SMC5: variants seen among roughly 807,000 people sequenced by gnomAD.
SMC5 encodes structural maintenance of chromosomes 5.
A neutral mutation model predicts 148.3 loss-of-function variants in SMC5; 88 were observed. The observed-to-expected ratio is 0.59, with a 90% CI of 0.50 to 0.71. The LOEUF (loss-of-function observed/expected upper bound fraction) is 0.71. SMC5 is among the 30% of genes least tolerant of loss of function. The pLI is 0.00. For synonymous variants in SMC5, 421 were observed against 432.8 expected (o/e 0.97, Z 0.34); for missense variants, 1,142 against 1,298.9 (o/e 0.88, Z 1.86).
intron 8 of SMC5, among the ~76,000 whole-genome samples, chr9:70,288,677 A>G (rs1279304988): frequency 6.6e-6 from 1 of 152,040 alleles, no homozygotes; most frequent in East Asian, 1.9e-4. Context: ...AGATATTATA[A>G]TTTTTATTTA....
At chr9:70,262,800 C>T (rs1293497842) in intron 1 of SMC5, among the ~76,000 whole-genome samples, 3 of 152,130 alleles carry the variant, frequency 2.0e-5, no homozygotes, top group Non-Finnish European at 4.4e-5. Context: ...GAGGGTGGGT[C>T]TTTACCAATA....
chr9:70,279,587 CG>C (rs2034691503), intron 5 of SMC5, among the ~76,000 whole-genome samples: 1 of 151,932 alleles, frequency 6.6e-6, no homozygotes, highest in Non-Finnish European at 1.5e-5. Flanking sequence ...GAGGCCAAGG[CG>C]GGTGGATCAC....
At chr9:70,285,306 G>T (rs558247694) in intron 7 of SMC5, among the ~76,000 whole-genome samples, 42 of 152,034 alleles carry the variant, frequency 2.8e-4, no homozygotes, top group Non-Finnish European at 5.1e-4. Flanking sequence ...GCTTCCAAGG[G>T]TCCTCCCCCA....
chr9:70,264,378 C>T lies in SMC5; in HGVS notation c.260C>T (p.Ser87Leu), dbSNP rs758152854. 3 of 1,614,032 alleles carry T rather than the reference C, an allele frequency of 1.9e-6. No homozygotes were observed. Among genetic ancestry groups the T allele is most frequent in the South Asian group, 1.1e-5 (1 of 91,076 alleles). Residue 87 changes from serine (S) to leucine (L), a missense_variant, in exon 2 of 25, where the codon TCG becomes TTG. Physicochemically the swap from Ser to Leu is moderately radical, Grantham distance 145 (BLOSUM62 -2). Coordinates refer to ENST00000361138, the MANE Select transcript of SMC5 (RefSeq NM_015110.4). ...GTTGGAGCCAATGGAACAGGGAAGTCGAGCATTGTGTGTGCCATTTGCCTT... is the reference window on the plus strand; with the variant it reads ...GTTGGAGCCAATGGAACAGGGAAGTTGAGCATTGTGTGTGCCATTTGCCTT... The part of the protein sequence containing the change: ...MIVGANGTGK[S>L]SIVCAICLGL...
intron 19 of SMC5, 88 bp downstream of exon 19, chr9:70,346,737 A>G (rs1237760170): frequency 7.4e-7 from 1 of 1,343,116 alleles, no homozygotes; most frequent in East Asian, 2.3e-5. Flanking sequence ...CCCGGAGATG[A>G]ATTCTAGGCC....
At chr9:70,262,182 T>C (rs374079157) in intron 1 of SMC5, among the ~76,000 whole-genome samples, 1 of 151,774 alleles carries the variant, frequency 6.6e-6, no homozygotes, top group African/African-American at 2.4e-5. Flanking sequence ...TCAAATGGAG[T>C]TGGGAGTGGA....
intron 20 of SMC5, 57 bp downstream of exon 20, chr9:70,347,218 T>A: frequency 7.8e-7 from 1 of 1,282,030 alleles, no homozygotes; most frequent in Non-Finnish European, 1.1e-6. Context: ...ACCCTCCCCA[T>A]ACACACACAT....
At chr9:70,350,585 T>C in intron 24 of SMC5, 114 bp downstream of exon 24, 1 of 614,194 alleles carries the variant, frequency 1.6e-6, no homozygotes, top group Non-Finnish European at 2.7e-6. Flanking sequence ...AAAAAAGGAA[T>C]TTAAAAGGTT....
intron 3 of SMC5, among the ~76,000 whole-genome samples, chr9:70,274,389 A>G (rs1360868549): frequency 1.3e-5 from 2 of 151,794 alleles, no homozygotes; most frequent in African/African-American, 4.8e-5. Flanking sequence ...CCGTGAATTC[A>G]ACTTTCTGTT....
At chr9:70,260,013 C>T (rs1292653749) in intron 1 of SMC5, among the ~76,000 whole-genome samples, 2 of 150,798 alleles carry the variant, frequency 1.3e-5, no homozygotes, top group African/African-American at 4.9e-5. Context: ...GCCGCGATCT[C>T]GGCCCACTGC....
chr9:70,349,939 T>G (rs2095825783), intron 22 of SMC5, among the ~76,000 whole-genome samples, 175 bp from the exon 23 acceptor site: 2 of 152,098 alleles, frequency 1.3e-5, no homozygotes, highest in African/African-American at 4.8e-5. Flanking sequence ...AGTAACTGTT[T>G]GCTTAATATT....
At chr9:70,305,877 G>T (rs1037005991) in intron 11 of SMC5, among the ~76,000 whole-genome samples, 2 of 152,138 alleles carry the variant, frequency 1.3e-5, no homozygotes, top group African/African-American at 2.4e-5. Flanking sequence ...TAGCTGGGCT[G>T]CCAGGATTTG....
At chr9:70,284,173 C>T (rs1180119) in intron 7 of SMC5, among the ~76,000 whole-genome samples, 11,755 of 152,188 alleles carry the variant, frequency 0.077, 530 homozygotes, top group African/African-American at 0.13. Flanking sequence ...GGAAAAGCTC[C>T]ACTATATCTT....
chr9:70,346,774 C>CTT lies in SMC5; in HGVS notation c.2568+125_2568+126insTT, dbSNP rs1282625688. On this transcript the variant is annotated intron_variant, in intron 19 of 24. Transcript: ENST00000361138. ...TTGAATTCTCTTAACTCTCCTGTAGCATGAACTGATACTTCTTTTCTCTAA... is the reference window on the plus strand; with the variant it reads ...TTGAATTCTCTTAACTCTCCTGTAGCTTATGAACTGATACTTCTTTTCTCTAA... 4.2e-6 allele frequency: 4 copies of CTT among 949,388 alleles called. No individual in the cohort carries two copies. The African/African-American group carries it at 6.6e-5, about 16-fold the overall frequency. The allele number at this position is 949,388 out of a possible 1,614,324, so 58.8% of individuals were successfully genotyped here. A position where few individuals can be genotyped will look rare whatever the true frequency, so the allele number is the denominator to read the frequency against.
intron 8 of SMC5, among the ~76,000 whole-genome samples, chr9:70,293,025 ATCCT>A (rs2035106791): frequency 6.6e-6 from 1 of 152,080 alleles, no homozygotes; most frequent in Non-Finnish European, 1.5e-5. Flanking sequence ...TTGGGAAGTG[ATCCT>A]TCCTCTTCTA....
At chr9:70,295,396 A>C (rs1315542800) in intron 8 of SMC5, among the ~76,000 whole-genome samples, 2 of 150,456 alleles carry the variant, frequency 1.3e-5, no homozygotes, top group Non-Finnish European at 1.5e-5. Context: ...GCTTGAACCC[A>C]GGAGGCGGAG....
At position 70,350,358 on chromosome 9, in the gene SMC5, A is replaced by G. The variant is rs569682650; in HGVS notation, c.3070-18A>G. The stretch of plus-strand genomic sequence containing the variant: ...TGTAACAGGAATAAATGTAATCATT[A>G]TTGTTGCCATTGTTTAGGGAATGGA... On this transcript the variant is annotated intron_variant, in intron 23 of 24. Transcript: ENST00000361138. The G allele has an allele frequency of 8.7e-6, 14 of 1,610,302 alleles. No individual in the cohort carries two copies. The African/African-American group carries it at 1.3e-4, about 15-fold the overall frequency.
chr9:70,288,107 A>G (rs946586262), intron 8 of SMC5, among the ~76,000 whole-genome samples: 4 of 152,198 alleles, frequency 2.6e-5, no homozygotes, highest in Non-Finnish European at 5.9e-5. Context: ...AGACGCAAAT[A>G]CAAAGTTGGT....
At chr9:70,270,007 T>C (rs932478604) in intron 3 of SMC5, among the ~76,000 whole-genome samples, 1 of 152,140 alleles carries the variant, frequency 6.6e-6, no homozygotes, top group Admixed American at 6.5e-5. Flanking sequence ...GTGTGGGGTT[T>C]TTTCCCCACA....
Sources: allele counts gnomAD v4.1 joint callset (sites outside exome capture counted in the v4.1 genomes callset), GRCh38; gene constraint gnomAD v4.1.1; transcripts MANE v1.5; gene names NCBI Gene and HGNC (gene_info 2026-07-23, HGNC 2026-07-21).